The following TXLNB variants were observed in gnomAD, a reference collection of about 807,000 sequenced individuals.
The protein encoded by TXLNB is taxilin beta.
In TXLNB, 37 loss-of-function variants were observed where a neutral mutation model predicts 57.4. The ratio of observed to expected loss-of-function variants is 0.64; its 90% CI spans 0.50 to 0.85. The LOEUF (loss-of-function observed/expected upper bound fraction) is 0.85, where lower values mean the gene tolerates loss of function less well. Among genes scored for constraint, TXLNB ranks in the 40% least tolerant of loss-of-function variants. The pLI, the probability that TXLNB is intolerant of heterozygous loss-of-function variation, is 0.00. For missense variants in TXLNB, 848 were observed against 825.6 expected, an observed-to-expected ratio of 1.03 and a Z score of -0.33; for synonymous variants, 302 against 309.6, an observed-to-expected ratio of 0.98 and a Z score of 0.26.
At chr6:139,166,666 G>A in the TXLNB span, 14 of 1,613,788 alleles carry the variant, frequency 8.7e-6, no homozygotes, top group Admixed American at 1.3e-4. Flanking sequence ...CTGGTGAGGC[G>A]GCGGAGGAGG....
the TXLNB span, among the ~76,000 whole-genome samples, chr6:139,314,174 A>G: frequency 2.6e-4 from 40 of 152,174 alleles, no homozygotes; most frequent in Non-Finnish European, 1.9e-4. Flanking sequence ...CATTCTGTAG[A>G]GAGTCTCCTT....
downstream of TXLNB, among the ~76,000 whole-genome samples, chr6:139,237,022 T>A (rs1208066352): frequency 6.6e-6 from 1 of 152,154 alleles, no homozygotes; most frequent in African/African-American, 2.4e-5. Context: ...TGTATTAAGG[T>A]CATCATGGGT....
chr6:139,160,150 C>T, the TXLNB span, among the ~76,000 whole-genome samples: 6 of 152,188 alleles, frequency 3.9e-5, no homozygotes, highest in East Asian at 1.9e-4. Flanking sequence ...CCCAGAATCA[C>T]ATGAACCCTG....
At chr6:139,235,788 G>GC (rs993493838), downstream of TXLNB, among the ~76,000 whole-genome samples, 6 of 151,870 alleles carry the variant, frequency 4.0e-5, no homozygotes, top group East Asian at 1.9e-4. Context: ...GGCCCGCCAC[G>GC]CCCCCCCTTC....
At chr6:139,223,242 T>C in the TXLNB span, among the ~76,000 whole-genome samples, 1 of 152,186 alleles carries the variant, frequency 6.6e-6, no homozygotes, top group Non-Finnish European at 1.5e-5. Flanking sequence ...AGAGAAAATT[T>C]AAAAATATTT....
downstream of TXLNB, among the ~76,000 whole-genome samples, chr6:139,236,194 T>C (rs946926955): frequency 6.6e-6 from 1 of 152,142 alleles, no homozygotes; most frequent in Non-Finnish European, 1.5e-5. Context: ...TCTGTCCTTG[T>C]GATAAGTCAG....
chr6:139,256,809 A>G (rs1478565049), intron 6 of TXLNB, among the ~76,000 whole-genome samples: 1 of 152,246 alleles, frequency 6.6e-6, no homozygotes, highest in Non-Finnish European at 1.5e-5. Flanking sequence ...GATGCCTCTC[A>G]GATAATATGA....
At chr6:139,203,990 T>G in the TXLNB span, among the ~76,000 whole-genome samples, 1 of 152,220 alleles carries the variant, frequency 6.6e-6, no homozygotes, top group Non-Finnish European at 1.5e-5. Context: ...AAACTTCAAG[T>G]GCATCTCTCT....
chr6:139,178,648 C>T, the TXLNB span: 1 of 151,968 alleles, frequency 6.6e-6, no homozygotes, highest in Admixed American at 6.6e-5. Flanking sequence ...GATCTCAGCT[C>T]ACTGCAACCT....
Position 139,243,190 on chromosome 6 carries a change from GAT to G in TXLNB, c.1389_1390del (p.Ser464Ter). ...GTGCTGACTTTGGTCATCCTTTTCA[GAT>G]ATTTCTGCGTCTCTGATTTTTTTGT... On this transcript the variant is annotated frameshift_variant, in exon 10 of 10. Transcript: ENST00000358430. LOFTEE classifies it low-confidence loss of function (END_TRUNC). The G allele has an allele frequency of 6.2e-7, 1 of 1,614,124 alleles. No individual in the cohort carries two copies. Among genetic ancestry groups the G allele is most frequent in the Non-Finnish European group, 8.5e-7 (1 of 1,180,020 alleles).
the TXLNB span, among the ~76,000 whole-genome samples, chr6:139,214,293 C>G: frequency 6.6e-6 from 1 of 152,306 alleles, no homozygotes; most frequent in African/African-American, 2.4e-5. Flanking sequence ...ATCAAGTGGG[C>G]TTCATCCCTG....
chr6:139,192,045 G>C, the TXLNB span, among the ~76,000 whole-genome samples: 1 of 152,142 alleles, frequency 6.6e-6, no homozygotes, highest in African/African-American at 2.4e-5. Context: ...AAACTTCAAT[G>C]GACTTAATCC....
the TXLNB span, among the ~76,000 whole-genome samples, chr6:139,216,009 C>G: frequency 1.3e-5 from 2 of 152,006 alleles, no homozygotes. Flanking sequence ...AATAGGAACA[C>G]TTTTACACTG....
chr6:139,268,074 C>T (rs565313683), intron 4 of TXLNB, among the ~76,000 whole-genome samples: 12 of 146,920 alleles, frequency 8.2e-5, no homozygotes, highest in Non-Finnish European at 1.6e-4. Flanking sequence ...TGCTTGAACC[C>T]GGGAGGCGGA....
rs1385181183 is a variant in TXLNB at position 139,263,986 on chromosome 6, G to GA, written c.688-1214dup. Among the ~76,000 whole-genome samples, 7 of 152,240 alleles carry GA rather than the reference G, an allele frequency of 4.6e-5. No homozygotes were observed. In the East Asian group the frequency reaches 1.3e-3, roughly 29 times the overall value. On this transcript the variant is annotated intron_variant, in intron 4 of 9. Transcript: ENST00000358430. ...AACTGATGCTGAGAATATATGCTCT[G>GA]AAAATATTTTATCATTAGGTTTCTT... is the stretch of plus-strand genomic sequence containing the variant.
downstream of TXLNB, among the ~76,000 whole-genome samples, chr6:139,236,518 C>T (rs749960793): frequency 5.9e-5 from 9 of 152,190 alleles, no homozygotes; most frequent in African/African-American, 9.6e-5. Context: ...CCCCTGCTTG[C>T]ACTCACTGCA....
At chr6:139,260,030 C>T (rs1290153206) in intron 6 of TXLNB, among the ~76,000 whole-genome samples, 1 of 152,102 alleles carries the variant, frequency 6.6e-6, no homozygotes, top group East Asian at 1.9e-4. Context: ...CAAGACCAGC[C>T]TGGCCAACAT....
At chr6:139,315,254 T>C in the TXLNB span, among the ~76,000 whole-genome samples, 1 of 152,108 alleles carries the variant, frequency 6.6e-6, no homozygotes, top group Non-Finnish European at 1.5e-5. Flanking sequence ...CACCAAATTA[T>C]CTTTAAAAAC....
At chr6:139,322,163 G>C in the TXLNB span, among the ~76,000 whole-genome samples, 1 of 152,014 alleles carries the variant, frequency 6.6e-6, no homozygotes, top group African/African-American at 2.4e-5. Flanking sequence ...TCTCTGCTTC[G>C]GCATTATCAC....
Sources: allele counts gnomAD v4.1 joint callset (sites outside exome capture counted in the v4.1 genomes callset), GRCh38; gene constraint gnomAD v4.1.1; transcripts MANE v1.5; gene names NCBI Gene and HGNC (gene_info 2026-07-23, HGNC 2026-07-21).